Variants in GNAL observed in about 807,000 individuals in gnomAD.
The protein encoded by GNAL is guanine nucleotide-binding protein G(olf) subunit alpha.
A neutral mutation model predicts 55.1 loss-of-function variants in GNAL; 18 were observed. That is an observed-to-expected ratio of 0.33 (90% CI 0.23 to 0.48). The LOEUF (loss-of-function observed/expected upper bound fraction) is 0.48. GNAL is among the 20% of genes least tolerant of loss of function. GNAL has a pLI of 0.99. For synonymous variants in GNAL, 253 were observed against 237.0 expected, an observed-to-expected ratio of 1.07 and a Z score of -0.62; for missense variants, 412 against 614.1, an observed-to-expected ratio of 0.67 and a Z score of 3.48.
At chr18:11,802,610 C>G (rs2034549262) in intron 4 of GNAL, among the ~76,000 whole-genome samples, 1 of 152,316 alleles carries the variant, frequency 6.6e-6, no homozygotes, top group African/African-American at 2.4e-5. Context: ...TCCACAGATT[C>G]CAAAACTGGT....
chr18:11,712,906 G>A (rs1291579547), intron 1 of GNAL, among the ~76,000 whole-genome samples: 2 of 152,100 alleles, frequency 1.3e-5, no homozygotes, highest in Non-Finnish European at 2.9e-5. Context: ...CTCCCTCGTG[G>A]GCAAGGGATG....
At chr18:11,829,801 G>A (rs2035336610) in intron 5 of GNAL, among the ~76,000 whole-genome samples, 1 of 152,144 alleles carries the variant, frequency 6.6e-6, no homozygotes, top group African/African-American at 2.4e-5. Flanking sequence ...CTTGAGGTCA[G>A]GAGTTCGAGA....
chr18:11,715,668 A>G lies in GNAL; in HGVS notation c.376+25729A>G, dbSNP rs9965271. Among the ~76,000 whole-genome samples the G allele has an allele frequency of 8.8e-3, 1,342 of 152,128 alleles. 25 individuals are homozygous for G. Among genetic ancestry groups the G allele is most frequent in the African/African-American group, 0.031 (1,270 of 41,506 alleles). On this transcript the variant is annotated intron_variant, in intron 1 of 11. Transcript: ENST00000334049. ...CAGGTGCAGATGCCCTGAGGTTTGC[A>G]TGAACTGATGTGTTCAAGGAATAAG...
rs750891634 is a variant in GNAL at position 11,689,813 on chromosome 18, GAGGAGCGCGAGGCGGCCA to G, written c.266_283del (p.Ala89_Ala94del). Reference sequence around the variant, plus strand: ...GCAGCGCACCGAGCAGCTGAGTGCCGAGGAGCGCGAGGCGGCCAAGGAGCGCGAGGCGGTCAAGGAGGC... The same window carrying G: ...GCAGCGCACCGAGCAGCTGAGTGCCGAGGAGCGCGAGGCGGTCAAGGAGGC... On this transcript the variant is annotated inframe_deletion, in exon 1 of 12. Transcript: ENST00000334049. The G allele has an allele frequency of 9.1e-5, 140 of 1,537,440 alleles. 1 individual carries two copies. Among genetic ancestry groups the G allele is most frequent in the African/African-American group, 2.4e-4 (17 of 70,652 alleles).
At chr18:11,819,990 A>G (rs1276285453) in intron 4 of GNAL, among the ~76,000 whole-genome samples, 2 of 152,230 alleles carry the variant, frequency 1.3e-5, no homozygotes, top group Non-Finnish European at 2.9e-5. Context: ...GGGAGCTTAT[A>G]TACCATTTTA....
intron 4 of GNAL, among the ~76,000 whole-genome samples, chr18:11,768,529 AG>A (rs2033483959): frequency 6.6e-6 from 1 of 151,852 alleles, no homozygotes; most frequent in Non-Finnish European, 1.5e-5. Flanking sequence ...TGAACCCAGG[AG>A]GCAGAGGTTG....
chr18:11,694,686 T>G (rs1441155954), intron 1 of GNAL, among the ~76,000 whole-genome samples: 1 of 152,140 alleles, frequency 6.6e-6, no homozygotes, highest in Non-Finnish European at 1.5e-5. Context: ...AGAGGAATTC[T>G]CAGATAACTC....
intron 5 of GNAL, among the ~76,000 whole-genome samples, chr18:11,831,325 C>A (rs899667865): frequency 6.6e-6 from 1 of 152,106 alleles, no homozygotes; most frequent in Admixed American, 6.6e-5. Context: ...CAGCGGTCCT[C>A]TTCTGAAGTA....
rs149163138 is a variant in GNAL, at chr18:11,709,168, T to C, written c.376+19229T>C. On this transcript the variant is annotated intron_variant, in intron 1 of 11. Transcript: ENST00000334049. ...TCTCTTCCATTGGTTTATGTATCTA[T>C]ATGCCAGTACCATACTGTTTTAATT... Among the ~76,000 whole-genome samples the C allele has an allele frequency of 2.4e-4, 37 of 152,302 alleles. 1 individual carries two copies. Among genetic ancestry groups the C allele is most frequent in the Middle Eastern group, 6.8e-3 (2 of 294 alleles).
intron 11 of GNAL, 63 bp from the exon 12 acceptor site, chr18:11,880,926 T>G (rs530274064): frequency 1.3e-6 from 2 of 1,557,876 alleles, no homozygotes; most frequent in African/African-American, 2.7e-5. Flanking sequence ...CAGCGTGGCC[T>G]AGTCCTTCCC....
At chr18:11,880,560 G>A (rs2036655198) in intron 11 of GNAL, among the ~76,000 whole-genome samples, 1 of 152,178 alleles carries the variant, frequency 6.6e-6, no homozygotes, top group Non-Finnish European at 1.5e-5. Context: ...GGGCAACAGA[G>A]CTAGACTCAG....
intron 1 of GNAL, among the ~76,000 whole-genome samples, chr18:11,736,879 A>G (rs992799202): frequency 1.3e-5 from 2 of 152,226 alleles, no homozygotes; most frequent in African/African-American, 4.8e-5. Flanking sequence ...GCCTTAGGAA[A>G]TACCTATGGA....
chr18:11,731,553 A>G (rs1353102410), intron 1 of GNAL, among the ~76,000 whole-genome samples: 1 of 152,240 alleles, frequency 6.6e-6, no homozygotes, highest in Admixed American at 6.5e-5. Context: ...GATAGGTCGA[A>G]TATAGTCCTT....
At chr18:11,720,285 T>G (rs2032064318) in intron 1 of GNAL, among the ~76,000 whole-genome samples, 1 of 152,236 alleles carries the variant, frequency 6.6e-6, no homozygotes, top group Non-Finnish European at 1.5e-5. Flanking sequence ...AAATTTTTAT[T>G]AATGAAATCT....
At chr18:11,741,331 C>T (rs1280873598) in intron 1 of GNAL, among the ~76,000 whole-genome samples, 2 of 152,148 alleles carry the variant, frequency 1.3e-5, no homozygotes, top group African/African-American at 2.4e-5. Context: ...CTATAATCAT[C>T]AAATGAGATG....
chr18:11,861,718 G>A (rs541694424), intron 5 of GNAL, among the ~76,000 whole-genome samples: 6 of 152,130 alleles, frequency 3.9e-5, no homozygotes, highest in Admixed American at 6.5e-5. Context: ...CAAGAGCGGC[G>A]CACAGCCTTC....
At chr18:11,764,271 A>AT (rs763768452) in intron 4 of GNAL, among the ~76,000 whole-genome samples, 2 of 151,630 alleles carry the variant, frequency 1.3e-5, no homozygotes, top group East Asian at 3.9e-4. Flanking sequence ...TGCCCAGCTA[A>AT]TTTTTTTGTA....
Position 11,840,637 on chromosome 18 carries a change from C to A in GNAL, c.722+15622C>A, listed in dbSNP as rs533340011. On this transcript the variant is annotated intron_variant, in intron 5 of 11. Transcript: ENST00000334049. ...GAGTCCTCAGACTTCCCTTTGTTAC[C>A]CTTTGTTGACCACGTGCTTCTCATA... Among the ~76,000 whole-genome samples, 9 of 152,204 alleles carry A rather than the reference C, an allele frequency of 5.9e-5. No individual in the cohort carries two copies. In the East Asian group the frequency reaches 1.4e-3, roughly 23 times the overall value.
intron 1 of GNAL, among the ~76,000 whole-genome samples, chr18:11,741,921 G>A (rs557396419): frequency 7.6e-4 from 116 of 152,274 alleles, no homozygotes; most frequent in African/African-American, 2.8e-3. Flanking sequence ...CAGCGCAGTA[G>A]CATTAAGTAC....
Sources: gnomAD v4.1 joint callset for allele counts (sites outside exome capture counted in the v4.1 genomes callset) on GRCh38, gnomAD v4.1.1 for gene constraint, MANE v1.5 for transcripts, NCBI Gene and HGNC (gene_info 2026-07-23, HGNC 2026-07-21) for gene names.